Variants in NBAS observed in about 807,000 individuals in gnomAD.
NBAS encodes the protein NAG/BC035112 fusion.
In NBAS, 219 loss-of-function variants were observed where a neutral mutation model predicts 302.5. That is an observed-to-expected ratio of 0.72 (90% confidence interval 0.65 to 0.81). The LOEUF (loss-of-function observed/expected upper bound fraction) is 0.81. Among genes scored for constraint, NBAS ranks in the 30% least tolerant of loss-of-function variants. The probability of loss-of-function intolerance (pLI) is 0.00; values close to 1 mark genes in which losing one functional copy is unlikely to be tolerated. For missense variants in NBAS, 2,932 were observed against 2,841.6 expected (o/e 1.03, Z -0.72); for synonymous variants, 1,118 against 1,021.6 (o/e 1.09, Z -1.80).
chr2:15,008,448 C>T, the NBAS span, among the ~76,000 whole-genome samples: 1 of 152,196 alleles, frequency 6.6e-6, no homozygotes, highest in African/African-American at 2.4e-5. Context: ...AGTGGCCTCT[C>T]CAAGGTCCAT....
the NBAS span, among the ~76,000 whole-genome samples, chr2:15,010,852 C>G: frequency 7.2e-5 from 11 of 152,168 alleles, no homozygotes; most frequent in Non-Finnish European, 1.6e-4. Flanking sequence ...CCACTTTCCA[C>G]GTGCAGATTC....
chr2:14,969,402 G>A, the NBAS span, among the ~76,000 whole-genome samples: 1 of 152,144 alleles, frequency 6.6e-6, no homozygotes, highest in South Asian at 2.1e-4. Flanking sequence ...TTGAGATGGA[G>A]TCTCATACTT....
At chr2:15,239,374 TGTGTGTATGTGTGC>T (rs943365963) in intron 44 of NBAS, among the ~76,000 whole-genome samples, 1 of 130,698 alleles carries the variant, frequency 7.7e-6, no homozygotes, top group Admixed American at 8.7e-5. Context: ...ATTTTATGTG[TGTGTGTATGTGTGC>T]GTGTGTGTGT....
chr2:15,120,886 G>GT, the NBAS span, among the ~76,000 whole-genome samples: 47 of 152,306 alleles, frequency 3.1e-4, no homozygotes, highest in African/African-American at 1.1e-3. Flanking sequence ...TCCATATATG[G>GT]TATCTCTGGG....
At chr2:15,041,564 G>A in the NBAS span, among the ~76,000 whole-genome samples, 9 of 152,222 alleles carry the variant, frequency 5.9e-5, no homozygotes, top group African/African-American at 1.7e-4. Flanking sequence ...GGGGAGGGCC[G>A]GCAGGAAAAG....
In NBAS at chr2:15,394,381, T is replaced by C. The variant is rs1486399856; in HGVS notation, c.3135-32A>G. 4 of 1,609,288 alleles carry C rather than the reference T, an allele frequency of 2.5e-6. No individual in the cohort carries two copies. In the Admixed American group the frequency reaches 6.7e-5, roughly 27 times the overall value. ...GTGAAAAAAGAATTATTTAATGTCT[T>C]GCTACCAAACAAAAAGAGTCTAAGA... On this transcript the variant is annotated intron_variant, in intron 27 of 51. Coordinates refer to ENST00000281513, the MANE Select transcript of NBAS (RefSeq NM_015909.4).
the NBAS span, among the ~76,000 whole-genome samples, chr2:14,929,502 T>C: frequency 0.36 from 54,259 of 151,978 alleles, 9,880 homozygotes; most frequent in African/African-American, 0.44. Context: ...CTTAGCCTCT[T>C]GAGTAGCTGG....
At chr2:14,853,443 G>A in the NBAS span, among the ~76,000 whole-genome samples, 8 of 94,778 alleles carry the variant, frequency 8.4e-5, 2 homozygotes, top group Admixed American at 2.0e-4. Context: ...AGAGGATGTG[G>A]AGAAATAGGG....
At position 15,374,684 on chromosome 2, in the gene NBAS, G is replaced by A. The variant is rs369384199; in HGVS notation, c.3627C>T (p.Ala1209=). The A allele has an allele frequency of 1.0e-4, 163 of 1,613,906 alleles. No homozygotes were observed. In the East Asian group the frequency reaches 3.4e-3, roughly 34 times the overall value. ...GGATAAGATCTAGCTCCTCTTGAAT[G>A]GCAGGGGGTCTGTCTGTTATCAGTT... The part of the protein sequence containing the change: ...CLQLITDRPP[A]IQEELDLIQA... Residue 1209 remains alanine, a synonymous_variant, in exon 31 of 52, where the codon GCC becomes GCT. Coordinates refer to ENST00000281513, the MANE Select transcript of NBAS (RefSeq NM_015909.4).
At chr2:14,961,931 C>A in the NBAS span, among the ~76,000 whole-genome samples, 1 of 152,090 alleles carries the variant, frequency 6.6e-6, no homozygotes, top group South Asian at 2.1e-4. Context: ...AGGTGCCCGC[C>A]ACCACACCCA....
the NBAS span, among the ~76,000 whole-genome samples, chr2:15,071,549 G>A: frequency 1.3e-5 from 2 of 151,516 alleles, no homozygotes; most frequent in African/African-American, 4.9e-5. Flanking sequence ...GCTTGAACTC[G>A]GGAGGCGGAG....
At chr2:15,050,821 G>T in the NBAS span, among the ~76,000 whole-genome samples, 1 of 152,166 alleles carries the variant, frequency 6.6e-6, no homozygotes, top group African/African-American at 2.4e-5. Context: ...CTGAGTTCTT[G>T]TGTCTGTAAA....
chr2:14,832,614 G>A, the NBAS span, among the ~76,000 whole-genome samples: 30 of 152,284 alleles, frequency 2.0e-4, no homozygotes, highest in Admixed American at 1.3e-3. Context: ...CTACCAGAGG[G>A]AAAGTGGATA....
At chr2:15,159,092 GC>G in the NBAS span, among the ~76,000 whole-genome samples, 1 of 152,166 alleles carries the variant, frequency 6.6e-6, no homozygotes, top group Non-Finnish European at 1.5e-5. Flanking sequence ...GGGCTTGAAA[GC>G]CTCTGCCCTT....
the NBAS span, among the ~76,000 whole-genome samples, chr2:15,135,463 G>C: frequency 5.3e-5 from 8 of 152,164 alleles, no homozygotes; most frequent in Non-Finnish European, 1.2e-4. Context: ...CCCGTGCTTG[G>C]GGTGCAGTGG....
intron 9 of NBAS, among the ~76,000 whole-genome samples, chr2:15,530,847 A>T (rs1444637222): frequency 6.6e-6 from 1 of 152,110 alleles, no homozygotes; most frequent in African/African-American, 2.4e-5. Flanking sequence ...TAATAAACCT[A>T]CGCCAAGTCA....
chr2:15,511,361 GA>G lies in NBAS; in HGVS notation c.747-12del, dbSNP rs762043774. On this transcript the variant is annotated splice_polypyrimidine_tract_variant and intron_variant, in intron 9 of 51. Transcript: ENST00000281513. ...CCAACAAGTAAAAGTCTAAAAAGGAGAAAATTTTTAAAAATCGATAAATTGC... is the reference window on the plus strand; with the variant it reads ...CCAACAAGTAAAAGTCTAAAAAGGAGAAATTTTTAAAAATCGATAAATTGC... The G allele has an allele frequency of 6.2e-7, 1 of 1,612,662 alleles. No homozygotes were observed. Among genetic ancestry groups the G allele is most frequent in the Non-Finnish European group, 8.5e-7 (1 of 1,179,096 alleles).
At chr2:15,282,622 T>C (rs930301765) in intron 42 of NBAS, among the ~76,000 whole-genome samples, 4 of 152,202 alleles carry the variant, frequency 2.6e-5, no homozygotes, top group Non-Finnish European at 5.9e-5. Flanking sequence ...GGTGCTATTA[T>C]GATCTCTAGC....
chr2:15,447,594 T>A (rs986357906), intron 21 of NBAS, among the ~76,000 whole-genome samples: 1 of 152,178 alleles, frequency 6.6e-6, no homozygotes, highest in Non-Finnish European at 1.5e-5. Flanking sequence ...AAGTTGCACA[T>A]TGATGATTTG....
Sources: gnomAD v4.1 joint callset for allele counts (sites outside exome capture counted in the v4.1 genomes callset) on GRCh38, gnomAD v4.1.1 for gene constraint, MANE v1.5 for transcripts, NCBI Gene and HGNC (gene_info 2026-07-23, HGNC 2026-07-21) for gene names.